Variants in AK4 observed in about 807,000 individuals in gnomAD.
AK4 encodes the protein adenylate kinase 4, mitochondrial.
Under a neutral mutation model 24.6 loss-of-function variants are expected in AK4, and 13 were observed. That is an observed-to-expected ratio of 0.53 (90% CI 0.34 to 0.84). The LOEUF (loss-of-function observed/expected upper bound fraction) is 0.84. Among genes scored for constraint, AK4 ranks in the 40% least tolerant of loss-of-function variants. AK4 has a pLI of 0.01. For synonymous variants in AK4, 88 were observed against 107.0 expected (o/e 0.82, Z 1.10); for missense variants, 192 against 288.2 (o/e 0.67, Z 2.42).
Position 65,232,142 on chromosome 1 carries a change from C to T in AK4, c.*5965C>T, listed in dbSNP as rs531166809. On this transcript the variant is annotated 3_prime_UTR_variant, in exon 5 of 5. Coordinates refer to ENST00000327299, the MANE Select transcript of AK4 (RefSeq NM_013410.4). ...AAAGTTTTTTTCTGCTTATAGCTAG[C>T]GAATTCATTTGTTTGTATAGCTTTT... 2.0e-5 allele frequency: 3 copies of T among 152,222 alleles called. No individual in the cohort carries two copies. Among genetic ancestry groups the T allele is most frequent in the East Asian group, 1.9e-4 (1 of 5,178 alleles). 9.4% of individuals were successfully genotyped at this position (152,222 alleles called of 1,614,324 possible).
intron 1 of AK4, among the ~76,000 whole-genome samples, chr1:65,150,961 CTT>C (rs895161642): frequency 1.0e-4 from 15 of 150,008 alleles, no homozygotes; most frequent in Admixed American, 5.3e-4. Flanking sequence ...CTGCACATAA[CTT>C]TTTTTTTTTG....
chr1:65,208,674 GC>G (rs1392155719), intron 2 of AK4, among the ~76,000 whole-genome samples: 2 of 152,220 alleles, frequency 1.3e-5, no homozygotes, highest in African/African-American at 2.4e-5. Flanking sequence ...GTTGGAAGTT[GC>G]CCTTCTGAAC....
chr1:65,159,530 G>T (rs1296988598), intron 1 of AK4, among the ~76,000 whole-genome samples: 1 of 152,158 alleles, frequency 6.6e-6, no homozygotes, highest in East Asian at 1.9e-4. Flanking sequence ...GGTGGCGCAT[G>T]CCTGTAATCC....
At chr1:65,189,404 G>A (rs1433839265) in intron 1 of AK4, among the ~76,000 whole-genome samples, 2 of 150,286 alleles carry the variant, frequency 1.3e-5, no homozygotes, top group East Asian at 3.9e-4. Flanking sequence ...TCAGCCTCCC[G>A]AGTAGCTGGG....
rs1376319264 is a variant in AK4 at position 65,230,413 on chromosome 1, CAA to C, written c.*4238_*4239del. ...CAGTATTTGACATTAGCTTTTTGTC[CAA>C]AGAGTTGAAGCCTGCTGGAGGTCTT... On this transcript the variant is annotated 3_prime_UTR_variant, in exon 5 of 5. Coordinates refer to ENST00000327299, the MANE Select transcript of AK4 (RefSeq NM_013410.4). The C allele has an allele frequency of 6.6e-6, 1 of 152,034 alleles. No homozygotes were observed. Among genetic ancestry groups the C allele is most frequent in the East Asian group, 1.9e-4 (1 of 5,184 alleles). 9.4% of individuals were successfully genotyped at this position (152,034 alleles called of 1,614,324 possible). A position where few individuals can be genotyped will look rare whatever the true frequency, so the allele number is the denominator to read the frequency against.
Position 65,226,208 on chromosome 1 carries a change from G to A in AK4, c.*31G>A. ...CCCAATGGAAGAACCAGGAAGATGT[G>A]GTCATTCATTCAATAGTGTGTGTAG... On this transcript the variant is annotated 3_prime_UTR_variant, in exon 5 of 5. Transcript: ENST00000327299. 6.5e-7 allele frequency: 1 copy of A among 1,545,774 alleles called. No homozygotes were observed. Among genetic ancestry groups the A allele is most frequent in the Non-Finnish European group, 8.8e-7 (1 of 1,134,726 alleles).
At chr1:65,159,041 G>C (rs1013035812) in intron 1 of AK4, among the ~76,000 whole-genome samples, 1 of 152,106 alleles carries the variant, frequency 6.6e-6, no homozygotes, top group East Asian at 1.9e-4. Flanking sequence ...ACAGATCCAG[G>C]AGCAAGCATC....
intron 1 of AK4, among the ~76,000 whole-genome samples, chr1:65,188,970 T>A (rs564975225): frequency 2.0e-5 from 3 of 152,008 alleles, no homozygotes; most frequent in Admixed American, 6.6e-5. Flanking sequence ...CGATAGAGTC[T>A]TGCTCTGTCA....
intron 2 of AK4, among the ~76,000 whole-genome samples, chr1:65,200,644 A>G (rs1431290035): frequency 6.6e-6 from 1 of 152,172 alleles, no homozygotes; most frequent in Middle Eastern, 3.2e-3. Flanking sequence ...CTCCCAGGTG[A>G]TCGCATGCAT....
At chr1:65,223,408 C>CT (rs1055921231) in intron 3 of AK4, among the ~76,000 whole-genome samples, 5 of 151,856 alleles carry the variant, frequency 3.3e-5, no homozygotes, top group African/African-American at 1.2e-4. Context: ...AGGCTGGTCT[C>CT]AAACTCCTGA....
intron 1 of AK4, among the ~76,000 whole-genome samples, chr1:65,179,250 C>G: frequency 6.6e-6 from 1 of 152,142 alleles, no homozygotes; most frequent in East Asian, 1.9e-4. Context: ...AAGAACCTGT[C>G]CCTTTTATAC....
At chr1:65,154,195 A>G (rs938944455) in intron 1 of AK4, among the ~76,000 whole-genome samples, 2 of 152,116 alleles carry the variant, frequency 1.3e-5, no homozygotes, top group African/African-American at 2.4e-5. Flanking sequence ...AGGAGGAGAG[A>G]AATAAAGGGA....
At chr1:65,200,017 T>C (rs1651613083) in intron 2 of AK4, among the ~76,000 whole-genome samples, 1 of 129,768 alleles carries the variant, frequency 7.7e-6, no homozygotes, top group South Asian at 2.5e-4. Flanking sequence ...AGTTAAATAG[T>C]GCACTAAGAG....
intron 1 of AK4, among the ~76,000 whole-genome samples, chr1:65,180,321 A>G (rs1350491886): frequency 1.3e-5 from 2 of 152,132 alleles, no homozygotes; most frequent in Non-Finnish European, 2.9e-5. Context: ...GGTGGCATGC[A>G]CCTGTGTTCC....
Position 65,229,327 on chromosome 1 carries a change from AG to A in AK4, c.*3151del, listed in dbSNP as rs1652564072. 2 of 152,270 alleles carry A rather than the reference AG, an allele frequency of 1.3e-5. No individual in the cohort carries two copies. Among genetic ancestry groups the A allele is most frequent in the African/African-American group, 4.8e-5 (2 of 41,440 alleles). The allele number at this position is 152,270 out of a possible 1,614,324, so 9.4% of individuals were successfully genotyped here. A position where few individuals can be genotyped will look rare whatever the true frequency, so the allele number is the denominator to read the frequency against. ...GATGGGAAGGTTGTCGGAGGCCAAA[AG>A]TTCAAGACCAGGCTGGGCAATATCA... is the stretch of plus-strand genomic sequence containing the variant. On this transcript the variant is annotated 3_prime_UTR_variant, in exon 5 of 5. Coordinates refer to ENST00000327299, the MANE Select transcript of AK4 (RefSeq NM_013410.4).
intron 1 of AK4, among the ~76,000 whole-genome samples, chr1:65,186,847 C>G (rs1380242935): frequency 1.3e-5 from 2 of 152,156 alleles, no homozygotes; most frequent in Non-Finnish European, 2.9e-5. Flanking sequence ...CATACACTCA[C>G]ACAATGTATA....
chr1:65,197,100 C>T (rs976851237), intron 2 of AK4, among the ~76,000 whole-genome samples: 4 of 152,124 alleles, frequency 2.6e-5, no homozygotes, highest in East Asian at 1.9e-4. Context: ...TCCCATGACA[C>T]GTGGGAATTG....
chr1:65,215,196 G>A (rs140765422), intron 2 of AK4, among the ~76,000 whole-genome samples: 2,644 of 148,386 alleles, frequency 0.018, 85 homozygotes, highest in African/African-American at 0.062. Flanking sequence ...TGTTTGAGGC[G>A]GAGTCTTGCT....
At chr1:65,164,358 A>G (rs1321756310) in intron 1 of AK4, among the ~76,000 whole-genome samples, 1 of 152,030 alleles carries the variant, frequency 6.6e-6, no homozygotes, top group Non-Finnish European at 1.5e-5. Context: ...TTTCACAAGG[A>G]CTCAAATACT....
Sources: gnomAD v4.1 joint callset for allele counts (sites outside exome capture counted in the v4.1 genomes callset) on GRCh38, gnomAD v4.1.1 for gene constraint, MANE v1.5 for transcripts, NCBI Gene and HGNC (gene_info 2026-07-23, HGNC 2026-07-21) for gene names.